Variants in SYNJ2 observed in about 807,000 individuals in gnomAD.
SYNJ2 encodes the protein polyphosphatidylinositol phosphatase SYNJ2.
In SYNJ2, 116 loss-of-function variants were observed where a neutral mutation model predicts 141.3. The observed-to-expected ratio is 0.82, with a 90% CI of 0.71 to 0.96. The LOEUF is 0.96. SYNJ2 is among the 40% of genes least tolerant of loss of function. The pLI is 0.00. For missense variants in SYNJ2, 1,873 were observed against 1,934.8 expected, an observed-to-expected ratio of 0.97 and a Z score of 0.60; for synonymous variants, 745 against 777.7, an observed-to-expected ratio of 0.96 and a Z score of 0.70.
At chr6:158,094,394 CAAAAAAAA>C (rs532980446) in intron 26 of SYNJ2, among the ~76,000 whole-genome samples, 10 of 72,952 alleles carry the variant, frequency 1.4e-4, no homozygotes, top group African/African-American at 4.9e-4. Flanking sequence ...TACGGCTGGG[CAAAAAAAA>C]AAAAAAAAAA....
At chr6:158,045,646 C>T (rs1780199052) in intron 5 of SYNJ2, among the ~76,000 whole-genome samples, 1 of 152,152 alleles carries the variant, frequency 6.6e-6, no homozygotes, top group East Asian at 1.9e-4. Context: ...CTAAGGCCTC[C>T]CAACTCCTTT....
At chr6:158,000,063 G>GTTT (rs1777779605) in intron 1 of SYNJ2, among the ~76,000 whole-genome samples, 2 of 78,312 alleles carry the variant, frequency 2.6e-5, no homozygotes, top group Non-Finnish European at 5.4e-5. Flanking sequence ...AAGCCAAAAG[G>GTTT]CTTTTTTTTT....
chr6:157,999,520 G>T (rs998112593), intron 1 of SYNJ2, among the ~76,000 whole-genome samples: 1 of 152,252 alleles, frequency 6.6e-6, no homozygotes, highest in African/African-American at 2.4e-5. Context: ...GAGCACCCCT[G>T]TGTAGCTTCC....
intron 1 of SYNJ2, among the ~76,000 whole-genome samples, chr6:158,010,183 G>A (rs564078666): frequency 1.3e-5 from 2 of 152,288 alleles, no homozygotes; most frequent in Admixed American, 6.5e-5. Context: ...GCCTCCCAAA[G>A]TGCTAGGATT....
rs1482796122 is a variant in SYNJ2 at position 158,066,590 on chromosome 6, TG to T, written c.1674del (p.Trp558CysfsTer34). ...NVLRTAELTD[W>X]LLDSPQLSGA... Reference sequence around the variant, plus strand: ...GCTCAGGACGGCGGAGCTGACAGACTGGCTGCTCGACTCGCCCCAGCTCTCG... The same window carrying T: ...GCTCAGGACGGCGGAGCTGACAGACTGCTGCTCGACTCGCCCCAGCTCTCG... On this transcript the variant is annotated frameshift_variant, in exon 12 of 27. Coordinates refer to ENST00000355585, the MANE Select transcript of SYNJ2 (RefSeq NM_003898.4). LOFTEE classifies it high-confidence loss of function. 1.9e-6 allele frequency: 3 copies of T among 1,613,894 alleles called. No individual in the cohort carries two copies. In the African/African-American group the frequency reaches 4.0e-5, roughly 22 times the overall value.
chr6:158,011,087 G>A (rs1160075666), intron 1 of SYNJ2, among the ~76,000 whole-genome samples: 1 of 151,732 alleles, frequency 6.6e-6, no homozygotes, highest in African/African-American at 2.4e-5. Context: ...GGAGAGGATG[G>A]CCACATGACA....
chr6:158,086,971 C>T lies in SYNJ2; in HGVS notation c.3325C>T (p.Gln1109Ter). Residue 1109 changes from glutamine to a stop codon, truncating the protein, a stop_gained, in exon 23 of 27, where the codon CAG becomes TAG. Transcript: ENST00000355585. LOFTEE classifies it high-confidence loss of function. Reference protein sequence around the residue: ...PNRPRPPQPPQRPPPPTGLMV... With the variant: ...PNRPRPPQPP ...CCGGCCTCGGCCACCTCAACCCCCG[C>T]AGAGACCCCCCCCTCCAAGTAAGAC... 1.0e-6 allele frequency: 1 copy of T among 970,236 alleles called. No homozygotes were observed. The highest frequency in any genetic ancestry group is 1.5e-6 in the Non-Finnish European group (1 of 657,776). The allele number at this position is 970,236 out of a possible 1,614,324, so 60.1% of individuals were successfully genotyped here. A position where few individuals can be genotyped will look rare whatever the true frequency, so the allele number is the denominator to read the frequency against.
At chr6:158,022,008 T>C (rs6941392) in intron 2 of SYNJ2, among the ~76,000 whole-genome samples, 84,218 of 152,080 alleles carry the variant, frequency 0.55, 25,137 homozygotes, top group African/African-American at 0.79. Flanking sequence ...TTCACTGCTG[T>C]GGCCGCCGCT....
At chr6:158,001,855 C>T (rs1400179644) in intron 1 of SYNJ2, among the ~76,000 whole-genome samples, 1 of 152,114 alleles carries the variant, frequency 6.6e-6, no homozygotes, top group East Asian at 1.9e-4. Context: ...CTAACTCGGT[C>T]ATTTGCACCA....
rs113029533 is a variant in SYNJ2 at position 158,090,025 on chromosome 6, C to A, written c.3565+78C>A. 87 of 937,834 alleles carry A rather than the reference C, an allele frequency of 9.3e-5. No individual in the cohort carries two copies. In the African/African-American group the frequency reaches 1.1e-3, roughly 12 times the overall value. 58.1% of individuals were successfully genotyped at this position (937,834 alleles called of 1,614,324 possible). ...CTCCCTGCTAAAAGTGGTCTAGAAACGAAAATAACTCTTTTTATTCTTCTG... is the reference window on the plus strand; with the variant it reads ...CTCCCTGCTAAAAGTGGTCTAGAAAAGAAAATAACTCTTTTTATTCTTCTG... On this transcript the variant is annotated intron_variant, in intron 25 of 26. Transcript: ENST00000355585.
chr6:158,079,060 G>A (rs557848831), intron 18 of SYNJ2: 1 of 152,530 alleles, frequency 6.6e-6, no homozygotes, highest in South Asian at 2.1e-4. Context: ...CTCTCAAAGT[G>A]TTGGGATTAC....
intron 14 of SYNJ2, 134 bp downstream of exon 14, chr6:158,069,807 G>A: frequency 8.6e-7 from 1 of 1,160,966 alleles, no homozygotes; most frequent in Non-Finnish European, 1.1e-6. Flanking sequence ...TTAGATAAAT[G>A]TAGCAAAACC....
intron 6 of SYNJ2, among the ~76,000 whole-genome samples, chr6:158,056,207 A>G (rs534168034): frequency 2.0e-5 from 3 of 152,306 alleles, no homozygotes; most frequent in Admixed American, 6.5e-5. Context: ...AAATACATAC[A>G]TCTAGTTGAA....
At chr6:158,061,893 C>T in intron 7 of SYNJ2, 99 bp from the exon 8 acceptor site, 2 of 1,252,288 alleles carry the variant, frequency 1.6e-6, no homozygotes, top group Non-Finnish European at 2.2e-6. Flanking sequence ...TGCGGCGAGT[C>T]ACCTTGGTTA....
intron 20 of SYNJ2, among the ~76,000 whole-genome samples, chr6:158,083,164 C>T (rs776691202): frequency 1.3e-5 from 2 of 152,138 alleles, no homozygotes; most frequent in Non-Finnish European, 2.9e-5. Flanking sequence ...AACTCCTGAC[C>T]TCAAGGGATC....
chr6:158,042,016 G>A (rs887923767), intron 4 of SYNJ2, among the ~76,000 whole-genome samples: 6 of 152,196 alleles, frequency 3.9e-5, no homozygotes, highest in Admixed American at 3.9e-4. Context: ...CGCCCAGCCT[G>A]GATATTGTTA....
chr6:158,063,659 C>T (rs1426157731), intron 8 of SYNJ2, 132 bp from the exon 9 acceptor site: 3 of 188,810 alleles, frequency 1.6e-5, no homozygotes, highest in Non-Finnish European at 2.9e-5. Context: ...GACTCTGTCT[C>T]AAAAAAAAAA....
intron 1 of SYNJ2, among the ~76,000 whole-genome samples, chr6:157,990,645 C>T (rs965915428): frequency 2.0e-5 from 3 of 152,200 alleles, no homozygotes; most frequent in Non-Finnish European, 2.9e-5. Context: ...TCCAGGCTCC[C>T]GGCAAGATGT....
chr6:158,078,211 G>A lies in SYNJ2; in HGVS notation c.2497G>A (p.Val833Ile), dbSNP rs150526454. Residue 833 changes from valine to isoleucine, a missense_variant, in exon 18 of 27, where the codon GTC becomes ATC. By Grantham distance (29) the Val-to-Ile change is conservative. Transcript: ENST00000355585. ...LDSDLDVDTK[V>I]RHTWSPGALQ... ...CAGTGATCTAGATGTTGACACCAAA[G>A]TCAGACACACCTGGTCTCCTGGTGC... 204 of 1,614,004 alleles carry A rather than the reference G, an allele frequency of 1.3e-4. No individual in the cohort carries two copies. Among genetic ancestry groups the A allele is most frequent in the Non-Finnish European group, 1.6e-4 (188 of 1,180,016 alleles).
Sources: gnomAD v4.1 joint callset for allele counts (sites outside exome capture counted in the v4.1 genomes callset) on GRCh38, gnomAD v4.1.1 for gene constraint, MANE v1.5 for transcripts, NCBI Gene and HGNC (gene_info 2026-07-23, HGNC 2026-07-21) for gene names.